SMAP1: variants seen among roughly 807,000 people sequenced by gnomAD.
The protein encoded by SMAP1 is small ArfGAP 1, also known as stromal membrane-associated protein 1.
A neutral mutation model predicts 58.5 loss-of-function variants in SMAP1; 24 were observed. That is an observed-to-expected ratio of 0.41 (90% CI 0.30 to 0.58). The LOEUF (loss-of-function observed/expected upper bound fraction) is 0.58, where lower values mean the gene tolerates loss of function less well. SMAP1 is among the 20% of genes least tolerant of loss of function. SMAP1 has a pLI of 0.29. For synonymous variants in SMAP1, 216 were observed against 196.6 expected (o/e 1.10, Z -0.82); for missense variants, 563 against 566.3 (o/e 0.99, Z 0.06).
intron 3 of SMAP1, among the ~76,000 whole-genome samples, chr6:70,762,605 C>T (rs1766799027): frequency 6.6e-6 from 1 of 152,034 alleles, no homozygotes. Flanking sequence ...TGGGTGACTC[C>T]ATGGAATTTA....
At chr6:70,712,078 G>A (rs908753686) in intron 1 of SMAP1, among the ~76,000 whole-genome samples, 1 of 152,096 alleles carries the variant, frequency 6.6e-6, no homozygotes, top group African/African-American at 2.4e-5. Context: ...TTCATAAATG[G>A]CCTTTATTAT....
At chr6:70,748,046 G>A (rs1393907827) in intron 2 of SMAP1, among the ~76,000 whole-genome samples, 1 of 152,098 alleles carries the variant, frequency 6.6e-6, no homozygotes, top group Non-Finnish European at 1.5e-5. Context: ...TATTTCCAAA[G>A]AGTTCCTGAG....
chr6:70,825,835 TC>T lies in SMAP1; in HGVS notation c.577-11105del, dbSNP rs147997562. Among the ~76,000 whole-genome samples, 1,429 of 152,314 alleles carry T rather than the reference TC, an allele frequency of 9.4e-3. 24 individuals are homozygous for T. Among genetic ancestry groups the T allele is most frequent in the African/African-American group, 0.031 (1,273 of 41,558 alleles). On this transcript the variant is annotated intron_variant, in intron 6 of 10. Transcript: ENST00000370455. ...AAACCAGGACTTGTGTTCACCTGCC[TC>T]TCATTCACACACATGCTAAGCCGAA...
chr6:70,729,495 A>ATGTGTG, intron 1 of SMAP1, among the ~76,000 whole-genome samples: 1 of 57,748 alleles, frequency 1.7e-5, no homozygotes, highest in African/African-American at 5.9e-5. Flanking sequence ...GTGTGTGTGT[A>ATGTGTG]TGTGTGTATG....
chr6:70,796,222 C>A (rs1768601995), intron 5 of SMAP1, among the ~76,000 whole-genome samples: 2 of 152,262 alleles, frequency 1.3e-5, no homozygotes, highest in South Asian at 4.1e-4. Flanking sequence ...AAAACAGTGC[C>A]TGGCACATAG....
intron 1 of SMAP1, among the ~76,000 whole-genome samples, chr6:70,716,720 C>T (rs1192768200): frequency 6.6e-6 from 1 of 151,942 alleles, no homozygotes; most frequent in Non-Finnish European, 1.5e-5. Flanking sequence ...CTGTTTGGTG[C>T]TTTCAAAATA....
intron 3 of SMAP1, among the ~76,000 whole-genome samples, chr6:70,766,914 A>G (rs368912942): frequency 2.0e-5 from 3 of 152,086 alleles, no homozygotes; most frequent in Middle Eastern, 3.4e-3. Context: ...ATCTTGAATT[A>G]ATTTTTGTAT....
At chr6:70,790,630 A>C (rs951069006) in intron 4 of SMAP1, among the ~76,000 whole-genome samples, 1 of 152,266 alleles carries the variant, frequency 6.6e-6, no homozygotes, top group Admixed American at 6.5e-5. Flanking sequence ...GTGAGTAAGC[A>C]AGGAGAAAAA....
At chr6:70,732,544 A>G in intron 2 of SMAP1, 33 bp downstream of exon 2, 2 of 1,466,476 alleles carry the variant, frequency 1.4e-6, no homozygotes, top group Non-Finnish European at 1.8e-6. Context: ...ATTATTTAAA[A>G]TATTTAAAAT....
At chr6:70,813,546 T>C (rs755513831) in intron 6 of SMAP1, among the ~76,000 whole-genome samples, 1 of 152,136 alleles carries the variant, frequency 6.6e-6, no homozygotes, top group Non-Finnish European at 1.5e-5. Context: ...TCAAAATTTT[T>C]AAATATTAAA....
intron 4 of SMAP1, 69 bp from the exon 5 acceptor site, chr6:70,791,620 C>T: frequency 3.8e-6 from 5 of 1,312,338 alleles, no homozygotes; most frequent in Admixed American, 1.9e-5. Context: ...TTTTTCTTTC[C>T]TGTGCCTGTC....
intron 5 of SMAP1, among the ~76,000 whole-genome samples, chr6:70,795,263 T>C (rs1181220660): frequency 6.6e-6 from 1 of 152,192 alleles, no homozygotes; most frequent in African/African-American, 2.4e-5. Context: ...ATCATGGTGA[T>C]TAGGAAGTCA....
chr6:70,750,947 T>C (rs1766250908), intron 2 of SMAP1, among the ~76,000 whole-genome samples: 2 of 152,168 alleles, frequency 1.3e-5, no homozygotes, highest in African/African-American at 4.8e-5. Flanking sequence ...AGTTTAAAAA[T>C]ATGTTCAATT....
chr6:70,691,380 CAAA>C (rs1767160150), intron 1 of SMAP1, among the ~76,000 whole-genome samples: 1 of 151,998 alleles, frequency 6.6e-6, no homozygotes, highest in African/African-American at 2.4e-5. Context: ...TATGGGCATA[CAAA>C]GCATAATAGT....
At chr6:70,802,787 T>C (rs1768921276) in intron 6 of SMAP1, among the ~76,000 whole-genome samples, 1 of 152,230 alleles carries the variant, frequency 6.6e-6, no homozygotes, top group African/African-American at 2.4e-5. Flanking sequence ...TCTTTGGTTC[T>C]GTTTATGTGA....
In SMAP1 at chr6:70,860,646, A is replaced by G; in HGVS notation, c.*312A>G. The G allele has an allele frequency of 4.7e-6, 2 of 421,942 alleles. No homozygotes were observed. Among genetic ancestry groups the G allele is most frequent in the Middle Eastern group, 6.1e-4 (1 of 1,646 alleles). 26.1% of individuals were successfully genotyped at this position (421,942 alleles called of 1,614,324 possible). A position where few individuals can be genotyped will look rare whatever the true frequency, so the allele number is the denominator to read the frequency against. ...ATAAAATTATAGCTCTAATGTTTGC[A>G]TATAAGGGAAGTAGTTATCATGTTA... On this transcript the variant is annotated 3_prime_UTR_variant, in exon 11 of 11. Coordinates refer to ENST00000370455, the MANE Select transcript of SMAP1 (RefSeq NM_001044305.3).
chr6:70,814,926 T>C (rs1406230217), intron 6 of SMAP1, among the ~76,000 whole-genome samples: 1 of 152,150 alleles, frequency 6.6e-6, no homozygotes, highest in African/African-American at 2.4e-5. Flanking sequence ...ACCTATCATC[T>C]AGGGATAGTT....
At chr6:70,678,325 T>G (rs1197698954) in intron 1 of SMAP1, among the ~76,000 whole-genome samples, 1 of 152,174 alleles carries the variant, frequency 6.6e-6, no homozygotes, top group Non-Finnish European at 1.5e-5. Context: ...AAGCCTAAAC[T>G]TAAGAAAATA....
intron 6 of SMAP1, among the ~76,000 whole-genome samples, chr6:70,833,873 T>G (rs536314106): frequency 5.6e-4 from 85 of 152,220 alleles, no homozygotes; most frequent in Non-Finnish European, 1.0e-3. Flanking sequence ...ATAAACTGTT[T>G]AGGATTTCTC....
Sources: gnomAD v4.1 joint callset for allele counts (sites outside exome capture counted in the v4.1 genomes callset) on GRCh38, gnomAD v4.1.1 for gene constraint, MANE v1.5 for transcripts, NCBI Gene and HGNC (gene_info 2026-07-23, HGNC 2026-07-21) for gene names.